The following CNTN5 variants were observed in gnomAD, a reference collection of about 807,000 sequenced individuals.
The protein encoded by CNTN5 is contactin 5.
In CNTN5, 77 loss-of-function variants were observed where a neutral mutation model predicts 129.1. The ratio of observed to expected loss-of-function variants is 0.60; its 90% CI spans 0.50 to 0.72. The LOEUF (loss-of-function observed/expected upper bound fraction) is 0.72. Ranked by LOEUF, CNTN5 falls within the 30% of genes least tolerant of loss-of-function variation. The pLI is 0.00. For missense variants in CNTN5, 1,478 were observed against 1,328.8 expected (o/e 1.11, Z -1.75); for synonymous variants, 509 against 465.6 (o/e 1.09, Z -1.20).
At chr11:100,148,844 T>C (rs1345844297) in intron 13 of CNTN5, among the ~76,000 whole-genome samples, 1 of 152,060 alleles carries the variant, frequency 6.6e-6, no homozygotes, top group African/African-American at 2.4e-5. Context: ...TTTGATTGTT[T>C]GGTAGTGCGG....
chr11:100,356,022 C>A, intron 24 of CNTN5, 95 bp from the exon 25 acceptor site: 1 of 764,730 alleles, frequency 1.3e-6, no homozygotes, highest in Non-Finnish European at 2.3e-6. Flanking sequence ...CAGGAGCGAT[C>A]TTGCACTCAT....
intron 6 of CNTN5, among the ~76,000 whole-genome samples, chr11:99,903,582 C>A (rs1297713238): frequency 6.6e-6 from 1 of 151,956 alleles, no homozygotes; most frequent in Non-Finnish European, 1.5e-5. Context: ...AGGGGCTGTT[C>A]TAAGTAGAGT....
chr11:99,658,964 C>T (rs1342589933), intron 3 of CNTN5, among the ~76,000 whole-genome samples: 1 of 151,082 alleles, frequency 6.6e-6, no homozygotes, highest in Non-Finnish European at 1.5e-5. Context: ...CCTTTAGGAT[C>T]AATCTCCTAC....
intron 18 of CNTN5, among the ~76,000 whole-genome samples, chr11:100,272,611 A>G (rs894888207): frequency 6.6e-6 from 1 of 152,104 alleles, no homozygotes; most frequent in Non-Finnish European, 1.5e-5. Context: ...GACCCAGAGG[A>G]CTAGAGTGCT....
intron 21 of CNTN5, among the ~76,000 whole-genome samples, chr11:100,320,903 T>G (rs1951678315): frequency 6.6e-6 from 1 of 152,202 alleles, no homozygotes; most frequent in Admixed American, 6.5e-5. Flanking sequence ...TTTATTCTGT[T>G]TCATTGATCT....
intron 24 of CNTN5, among the ~76,000 whole-genome samples, chr11:100,351,657 T>TAAAAAAAAAAAAAAAAAAGAAAAAAAAAA (rs1952416588): frequency 9.6e-6 from 1 of 103,654 alleles, no homozygotes. Context: ...GTAGAGATAG[T>TAAAAAAAAAAAAAAAAAAGAAAAAAAAAA]AAAAAAAAAA....
intron 3 of CNTN5, among the ~76,000 whole-genome samples, chr11:99,666,894 T>C (rs1249068504): frequency 1.3e-5 from 2 of 152,166 alleles, no homozygotes; most frequent in African/African-American, 2.4e-5. Flanking sequence ...GGAATCTTTA[T>C]TTTTTATAAT....
At chr11:99,673,605 C>T (rs1953142054) in intron 3 of CNTN5, among the ~76,000 whole-genome samples, 1 of 152,144 alleles carries the variant, frequency 6.6e-6, no homozygotes, top group Non-Finnish European at 1.5e-5. Flanking sequence ...CCACCATCCA[C>T]TCTCCTCTAA....
chr11:99,416,363 C>G (rs1191163511), intron 2 of CNTN5, among the ~76,000 whole-genome samples: 1 of 151,984 alleles, frequency 6.6e-6, no homozygotes, highest in Non-Finnish European at 1.5e-5. Context: ...TCAGGGGAGC[C>G]TCAAACTCCT....
At chr11:100,261,529 G>A (rs1591448141) in intron 17 of CNTN5, among the ~76,000 whole-genome samples, 3 of 152,000 alleles carry the variant, frequency 2.0e-5, no homozygotes, top group South Asian at 4.1e-4. Flanking sequence ...GAGGCATCAC[G>A]CTACCTGAAC....
chr11:99,910,115 G>A (rs1174757697), intron 6 of CNTN5, among the ~76,000 whole-genome samples: 1 of 150,668 alleles, frequency 6.6e-6, no homozygotes, highest in Non-Finnish European at 1.5e-5. Context: ...TAGTCACTTT[G>A]AAAACTCAAA....
intron 3 of CNTN5, among the ~76,000 whole-genome samples, chr11:99,730,488 G>C (rs148330011): frequency 2.0e-5 from 3 of 152,098 alleles, no homozygotes; most frequent in African/African-American, 7.2e-5. Context: ...TAGGGCTGCC[G>C]GTTATCTACT....
chr11:99,382,875 T>TTTTTTTTTTTTTTG (rs1491151565), intron 2 of CNTN5, among the ~76,000 whole-genome samples: 1 of 142,464 alleles, frequency 7.0e-6, no homozygotes, highest in Non-Finnish European at 1.5e-5. Context: ...TTTTTTTTTT[T>TTTTTTTTTTTTTTG]AGACAGAGTC....
intron 3 of CNTN5, among the ~76,000 whole-genome samples, chr11:99,639,559 G>GGT (rs1478048866): frequency 2.6e-4 from 18 of 70,322 alleles, no homozygotes; most frequent in South Asian, 6.1e-4. Context: ...TCACCTTTAT[G>GGT]TTTTTTTTTT....
At chr11:99,826,545 T>C (rs905374010) in intron 4 of CNTN5, among the ~76,000 whole-genome samples, 1 of 152,220 alleles carries the variant, frequency 6.6e-6, no homozygotes, top group Non-Finnish European at 1.5e-5. Context: ...ACCTGTGTTG[T>C]ATGATCGGGT....
Position 99,401,185 on chromosome 11 carries a change from T to C in CNTN5, c.-71+75701T>C, listed in dbSNP as rs1026788006. Among the ~76,000 whole-genome samples the C allele has an allele frequency of 2.6e-5, 4 of 152,266 alleles. No homozygotes were observed. In the South Asian group the frequency reaches 8.3e-4, roughly 32 times the overall value. ...GTTGACCTAGAGAGCTTCCCTAATGTTTTCTTGTAGTAGTTTAATAGTTTG... is the reference window on the plus strand; with the variant it reads ...GTTGACCTAGAGAGCTTCCCTAATGCTTTCTTGTAGTAGTTTAATAGTTTG... On this transcript the variant is annotated intron_variant, in intron 2 of 24. Transcript: ENST00000524871.
In CNTN5 at chr11:100,167,086, G is replaced by C. The variant is rs985330314; in HGVS notation, c.1581-24040G>C. Among the ~76,000 whole-genome samples the C allele has an allele frequency of 2.0e-5, 3 of 151,622 alleles. No individual in the cohort carries two copies. The East Asian group carries it at 5.9e-4, about 30-fold the overall frequency. On this transcript the variant is annotated intron_variant, in intron 13 of 24. Transcript: ENST00000524871. ...TGATTGTGCTACAATATAAAATCAT[G>C]TCATTTCCAACCCTTTTAAAGTGGC...
chr11:99,695,088 T>C (rs1954212532), intron 3 of CNTN5, among the ~76,000 whole-genome samples: 1 of 152,078 alleles, frequency 6.6e-6, no homozygotes, highest in Non-Finnish European at 1.5e-5. Context: ...AGGAATTTGT[T>C]GCAGAAATCC....
intron 3 of CNTN5, among the ~76,000 whole-genome samples, chr11:99,726,870 T>C (rs1012816133): frequency 6.6e-6 from 1 of 152,168 alleles, no homozygotes; most frequent in Non-Finnish European, 1.5e-5. Flanking sequence ...TGTGATGATA[T>C]CCTGTAAATT....
Sources: gnomAD v4.1 joint callset for allele counts (sites outside exome capture counted in the v4.1 genomes callset) on GRCh38, gnomAD v4.1.1 for gene constraint, MANE v1.5 for transcripts, NCBI Gene and HGNC (gene_info 2026-07-23, HGNC 2026-07-21) for gene names.